DNAAF10: variants seen among roughly 807,000 people sequenced by gnomAD.
DNAAF10 encodes the protein WD repeat domain 92.
A neutral mutation model predicts 43.7 loss-of-function variants in DNAAF10; 28 were observed. That is an observed-to-expected ratio of 0.64 (90% CI 0.48 to 0.88). The LOEUF is 0.88. Among genes scored for constraint, DNAAF10 ranks in the 40% least tolerant of loss-of-function variants. The probability of loss-of-function intolerance (pLI) is 0.00; values close to 1 mark genes in which losing one functional copy is unlikely to be tolerated. For synonymous variants in DNAAF10, 156 were observed against 157.3 expected (o/e 0.99, Z 0.06); for missense variants, 403 against 439.1 (o/e 0.92, Z 0.73).
intron 1 of DNAAF10, among the ~76,000 whole-genome samples, chr2:68,152,688 C>T (rs1558613192): frequency 6.6e-6 from 1 of 151,952 alleles, no homozygotes; most frequent in Non-Finnish European, 1.5e-5. Flanking sequence ...TATATACTAA[C>T]AATTTTTGCT....
chr2:68,148,911 T>G (rs759220581), intron 1 of DNAAF10, among the ~76,000 whole-genome samples: 42 of 152,226 alleles, frequency 2.8e-4, no homozygotes, highest in Non-Finnish European at 5.6e-4. Context: ...ACACATGGTT[T>G]TGTTTCAATA....
rs372331819 is a variant in DNAAF10 at position 68,147,582 on chromosome 2, G to A, written c.184-15C>T. The A allele has an allele frequency of 5.8e-6, 9 of 1,561,724 alleles. No individual in the cohort carries two copies. Among genetic ancestry groups the A allele is most frequent in the African/African-American group, 5.5e-5 (4 of 73,204 alleles). ...GCCTTTTCAATCTTCATAGAAGGGA[G>A]GAAGAGAGGATATATTATTTATGTA... On this transcript the variant is annotated splice_polypyrimidine_tract_variant and intron_variant, in intron 1 of 7. Transcript: ENST00000295121.
At chr2:68,140,991 A>G (rs1284509908) in intron 4 of DNAAF10, among the ~76,000 whole-genome samples, 1 of 152,164 alleles carries the variant, frequency 6.6e-6, no homozygotes, top group Non-Finnish European at 1.5e-5. Context: ...GTGTTAAACC[A>G]TTCATGAGAA....
At chr2:68,157,075 C>G in intron 1 of DNAAF10, 186 bp downstream of exon 1, 1 of 842,852 alleles carries the variant, frequency 1.2e-6, no homozygotes, top group Non-Finnish European at 1.8e-6. Context: ...GAGGAACTAC[C>G]CCGCGGATGA....
At chr2:68,144,751 C>G in intron 2 of DNAAF10, 36 bp from the exon 3 acceptor site, 8 of 1,585,770 alleles carry the variant, frequency 5.0e-6, no homozygotes, top group Non-Finnish European at 6.8e-6. Context: ...ACCACATATC[C>G]CAAACATATA....
chr2:68,132,565 A>G lies in DNAAF10; in HGVS notation c.867-1120T>C, dbSNP rs1443487145. On this transcript the variant is annotated intron_variant, in intron 7 of 7. Transcript: ENST00000295121. ...ATGTGTATATGATTCAAATACTTGGAAAAAAAATCAGCATGTTGAAGTTTT... is the reference window on the plus strand; with the variant it reads ...ATGTGTATATGATTCAAATACTTGGGAAAAAAATCAGCATGTTGAAGTTTT... Among the ~76,000 whole-genome samples, 4 of 141,120 alleles carry G rather than the reference A, an allele frequency of 2.8e-5. 1 individual carries two copies. The highest frequency in any genetic ancestry group is 5.9e-5 in the Non-Finnish European group (4 of 67,710). 92.6% of individuals were successfully genotyped at this position (141,120 alleles called of 152,430 possible).
chr2:68,140,889 T>C (rs1673161287), intron 4 of DNAAF10, among the ~76,000 whole-genome samples: 2 of 152,206 alleles, frequency 1.3e-5, no homozygotes, highest in Non-Finnish European at 2.9e-5. Flanking sequence ...TTGTCATTAT[T>C]CCCTAAACAA....
intron 1 of DNAAF10, 82 bp from the exon 2 acceptor site, chr2:68,147,649 A>G: frequency 1.0e-6 from 1 of 958,090 alleles, no homozygotes; most frequent in Non-Finnish European, 1.5e-6. Flanking sequence ...TTATGGCTCT[A>G]TTATGGCATT....
At chr2:68,153,122 GGAAA>G (rs1673495428) in intron 1 of DNAAF10, among the ~76,000 whole-genome samples, 1 of 152,006 alleles carries the variant, frequency 6.6e-6, no homozygotes, top group Non-Finnish European at 1.5e-5. Context: ...GCTTGATGAA[GGAAA>G]AAGAGCTTTT....
intron 4 of DNAAF10, among the ~76,000 whole-genome samples, chr2:68,139,683 A>C (rs990899770): frequency 1.3e-5 from 2 of 151,520 alleles, no homozygotes; most frequent in Non-Finnish European, 2.9e-5. Context: ...AGGCGCCTGT[A>C]GTCCCAGCTA....
Position 68,143,862 on chromosome 2 carries a change from T to TA in DNAAF10, c.415+722dup, listed in dbSNP as rs1034452994. Among the ~76,000 whole-genome samples the TA allele has an allele frequency of 1.1e-4, 17 of 152,050 alleles. 2 individuals carry two copies. Among genetic ancestry groups the TA allele is most frequent in the African/African-American group, 3.4e-4 (14 of 41,506 alleles). On this transcript the variant is annotated intron_variant, in intron 3 of 7. Transcript: ENST00000295121. ...CTATACTCAATATTGCTTTTATGAT[T>TA]AAAAAAAATAAGTGATTTCTAAAAC...
rs1239836979 is a variant in DNAAF10 at position 68,131,248 on chromosome 2, T to C, written c.1064A>G (p.Asn355Ser). ...TCCAAAGTCTTGAAGTCAAATTTTA[T>C]TGAGCTTTGTAACGATCAGTACTCT... is the stretch of plus-strand genomic sequence containing the variant. ...TVRVLIVTKL[N>S]KI Residue 355 changes from asparagine (N) to serine (S), a missense_variant, in exon 8 of 8, where the codon AAT becomes AGT. Coordinates refer to ENST00000295121, the MANE Select transcript of DNAAF10 (RefSeq NM_138458.4). 3 of 1,613,994 alleles carry C rather than the reference T, an allele frequency of 1.9e-6. No homozygotes were observed. Among genetic ancestry groups the C allele is most frequent in the East Asian group, 2.2e-5 (1 of 44,866 alleles).
rs200890306 is a variant in DNAAF10, at chr2:68,137,475, T to G, written c.634-42A>C. On this transcript the variant is annotated intron_variant, in intron 5 of 7. Transcript: ENST00000295121. ...CTTATTATTGGTAGTCTCACCAGTATTACTCAGGAGGCTCTTTTATACTAA... is the reference window on the plus strand; with the variant it reads ...CTTATTATTGGTAGTCTCACCAGTAGTACTCAGGAGGCTCTTTTATACTAA... The G allele has an allele frequency of 5.6e-4, 880 of 1,568,166 alleles. 8 individuals are homozygous for G. The highest frequency in any genetic ancestry group is 1.1e-4 in the Non-Finnish European group (122 of 1,157,942).
At chr2:68,147,113 C>A (rs1249463557) in intron 2 of DNAAF10, among the ~76,000 whole-genome samples, 1 of 152,122 alleles carries the variant, frequency 6.6e-6, no homozygotes, top group African/African-American at 2.4e-5. Context: ...ATAATATCTA[C>A]TTTTTCAGTG....
rs1457107599 is a variant in DNAAF10 at position 68,130,085 on chromosome 2, T to C, written c.*1153A>G. Reference sequence around the variant, plus strand: ...ATTGCAGAAAATAGCTACCCAAATCTAGACCAACCGTGCCGTTTTGAGAGA... The same window carrying C: ...ATTGCAGAAAATAGCTACCCAAATCCAGACCAACCGTGCCGTTTTGAGAGA... On this transcript the variant is annotated 3_prime_UTR_variant, in exon 8 of 8. Coordinates refer to ENST00000295121, the MANE Select transcript of DNAAF10 (RefSeq NM_138458.4). The C allele has an allele frequency of 7.2e-6, 1 of 139,048 alleles. No individual in the cohort carries two copies. Among genetic ancestry groups the C allele is most frequent in the Non-Finnish European group, 1.5e-5 (1 of 65,334 alleles). The allele number at this position is 139,048 out of a possible 1,614,324, so 8.6% of individuals were successfully genotyped here. A position where few individuals can be genotyped will look rare whatever the true frequency, so the allele number is the denominator to read the frequency against.
At chr2:68,133,485 G>A (rs536826264) in intron 7 of DNAAF10, among the ~76,000 whole-genome samples, 34 of 152,264 alleles carry the variant, frequency 2.2e-4, no homozygotes, top group Non-Finnish European at 4.1e-4. Context: ...GGGTGCAGTG[G>A]CTCACACCCA....
intron 7 of DNAAF10, chr2:68,134,044 A>C (rs1306630607): frequency 1.3e-6 from 1 of 789,744 alleles, no homozygotes; most frequent in African/African-American, 1.9e-5. Context: ...CTCCAAGTAC[A>C]TATTGCTTAG....
chr2:68,134,611 A>G (rs1387329270), intron 7 of DNAAF10, 91 bp downstream of exon 7: 1 of 1,564,590 alleles, frequency 6.4e-7, no homozygotes, highest in Non-Finnish European at 8.6e-7. Flanking sequence ...ACTAAGTCAA[A>G]GCAGGAAAAA....
rs367839314 is a variant in DNAAF10, at chr2:68,147,533, A to G, written c.218T>C (p.Phe73Ser). Reference protein sequence around the residue: ...EKAKPIKCGTFGATSLQQRYL... With the variant: ...EKAKPIKCGTSGATSLQQRYL... Reference sequence around the variant, plus strand: ...TCTCTGCTGTAAAGATGTTGCACCAAATGTTCCACATTTAATAGGTTTGGC... The same window carrying G: ...TCTCTGCTGTAAAGATGTTGCACCAGATGTTCCACATTTAATAGGTTTGGC... Residue 73 changes from phenylalanine (F) to serine (S), a missense_variant, in exon 2 of 8, where the codon TTT (phenylalanine) becomes TCT (serine). Phe to Ser is a radical substitution (Grantham distance 155). Transcript: ENST00000295121. 1.4e-5 allele frequency: 22 copies of G among 1,611,846 alleles called. No homozygotes were observed. The highest frequency in any genetic ancestry group is 1.7e-5 in the Non-Finnish European group (20 of 1,179,098).
Sources: allele counts gnomAD v4.1 joint callset (sites outside exome capture counted in the v4.1 genomes callset), GRCh38; gene constraint gnomAD v4.1.1; transcripts MANE v1.5; gene names NCBI Gene and HGNC (gene_info 2026-07-23, HGNC 2026-07-21).